The following AGPAT3 variants were observed in gnomAD, a reference collection of about 807,000 sequenced individuals.
AGPAT3 encodes 1-acylglycerol-3-phosphate O-acyltransferase 3.
In AGPAT3, 5 loss-of-function variants were observed where a neutral mutation model predicts 47.3. That is an observed-to-expected ratio of 0.11 (90% CI 0.06 to 0.22). The LOEUF (loss-of-function observed/expected upper bound fraction) is 0.22. Among genes scored for constraint, AGPAT3 ranks in the 10% least tolerant of loss-of-function variants. The pLI, the probability that AGPAT3 is intolerant of heterozygous loss-of-function variation, is 1.00. For missense variants in AGPAT3, 315 were observed against 493.0 expected (o/e 0.64, Z 3.42); for synonymous variants, 212 against 208.3 (o/e 1.02, Z -0.15).
In AGPAT3 at chr21:43,959,915, C is replaced by T. The variant is rs1273769118; in HGVS notation, c.178+56C>T. On this transcript the variant is annotated intron_variant, in intron 3 of 9. Coordinates refer to ENST00000291572, the MANE Select transcript of AGPAT3 (RefSeq NM_020132.5). ...CTGGGGCTCCCGTGGGGGTGGCGCG[C>T]GACCATGCACGGGGCAGCCGTGGGC... The T allele has an allele frequency of 9.4e-5, 143 of 1,519,652 alleles. 2 individuals carry two copies. In the South Asian group the frequency reaches 1.4e-3, roughly 15 times the overall value. 94.1% of individuals were successfully genotyped at this position (1,519,652 alleles called of 1,614,324 possible).
chr21:43,914,507 A>T (rs1424972685), intron 2 of AGPAT3, among the ~76,000 whole-genome samples: 2 of 152,036 alleles, frequency 1.3e-5, no homozygotes, highest in African/African-American at 4.8e-5. Context: ...AAATTTTTTA[A>T]AATATGAGAT....
intron 2 of AGPAT3, among the ~76,000 whole-genome samples, chr21:43,942,038 A>C (rs1265085636): frequency 2.0e-5 from 3 of 152,200 alleles, no homozygotes. Context: ...AAGGATGTGC[A>C]TTTCTCCTTT....
chr21:43,977,892 A>AAG (rs2089679844), intron 7 of AGPAT3, among the ~76,000 whole-genome samples, 154 bp from the exon 8 acceptor site: 1 of 151,960 alleles, frequency 6.6e-6, no homozygotes, highest in African/African-American at 2.4e-5. Context: ...TCTCAAAAAA[A>AAG]AAAAAAAGAA....
intron 2 of AGPAT3, among the ~76,000 whole-genome samples, chr21:43,948,819 G>A (rs1281389587): frequency 6.6e-6 from 1 of 152,216 alleles, no homozygotes; most frequent in Non-Finnish European, 1.5e-5. Context: ...TGAGATGTGT[G>A]TTGTTGACGA....
intron 2 of AGPAT3, among the ~76,000 whole-genome samples, chr21:43,910,557 A>G (rs1426286915): frequency 1.3e-5 from 2 of 152,196 alleles, no homozygotes; most frequent in African/African-American, 4.8e-5. Context: ...GTGAAGGTGG[A>G]GCGGAGGGCC....
At chr21:43,959,137 G>C (rs1248669950) in intron 2 of AGPAT3, among the ~76,000 whole-genome samples, 1 of 136,862 alleles carries the variant, frequency 7.3e-6, no homozygotes, top group Non-Finnish European at 1.6e-5. Flanking sequence ...CATGTGTTTG[G>C]TTTGCGGTAT....
At chr21:43,961,296 C>T (rs937278229) in intron 3 of AGPAT3, among the ~76,000 whole-genome samples, 3 of 152,086 alleles carry the variant, frequency 2.0e-5, no homozygotes, top group Non-Finnish European at 2.9e-5. Context: ...ATAGACACTT[C>T]GTCTCATATG....
chr21:43,885,206 C>T (rs1002491169), intron 1 of AGPAT3, among the ~76,000 whole-genome samples: 25 of 152,264 alleles, frequency 1.6e-4, no homozygotes, highest in African/African-American at 4.6e-4. Context: ...AGCTCGCAGA[C>T]GCTGGGTGCA....
In AGPAT3 at chr21:43,868,162, C is replaced by T. The variant is rs531238315; in HGVS notation, c.-112+2817C>T. On this transcript the variant is annotated intron_variant, in intron 1 of 9. Transcript: ENST00000291572. ...CAGTGTCTGTGTTTAGTTTTGGAGG[C>T]GGGAAGGCCGAGTTGATGGTGAAAG... 3.3e-5 allele frequency among the ~76,000 whole-genome samples: 5 copies of T among 152,262 alleles called. No individual in the cohort carries two copies. In the East Asian group the frequency reaches 5.8e-4, roughly 18 times the overall value.
At chr21:43,976,202 G>A (rs1447938580) in intron 7 of AGPAT3, among the ~76,000 whole-genome samples, 2 of 152,152 alleles carry the variant, frequency 1.3e-5, no homozygotes, top group African/African-American at 4.8e-5. Flanking sequence ...GAGTAGCTGG[G>A]ATTACAGGCG....
chr21:43,911,472 A>C (rs1487601799), intron 2 of AGPAT3, among the ~76,000 whole-genome samples: 1 of 152,246 alleles, frequency 6.6e-6, no homozygotes, highest in Non-Finnish European at 1.5e-5. Flanking sequence ...GAAGATTGCA[A>C]CACTGGCCCT....
At chr21:43,980,230 C>T (rs2089790996) in intron 8 of AGPAT3, among the ~76,000 whole-genome samples, 1 of 144,684 alleles carries the variant, frequency 6.9e-6, no homozygotes, top group East Asian at 2.0e-4. Flanking sequence ...GAGCCGAGAT[C>T]GTACCACTGC....
At chr21:43,878,166 C>T (rs1167193706) in intron 1 of AGPAT3, among the ~76,000 whole-genome samples, 2 of 152,150 alleles carry the variant, frequency 1.3e-5, no homozygotes, top group Admixed American at 1.3e-4. Flanking sequence ...CGCTCTGCAC[C>T]CCCACACCCG....
At chr21:43,888,706 A>G (rs1352873001) in intron 1 of AGPAT3, among the ~76,000 whole-genome samples, 1 of 152,196 alleles carries the variant, frequency 6.6e-6, no homozygotes, top group Non-Finnish European at 1.5e-5. Context: ...TAAACAGAAC[A>G]TGGGCCGGGC....
At chr21:43,958,870 GGT>G (rs1042795075) in intron 2 of AGPAT3, among the ~76,000 whole-genome samples, 1 of 141,672 alleles carries the variant, frequency 7.1e-6, no homozygotes, top group Non-Finnish European at 1.5e-5. Flanking sequence ...GTGTGTGTGT[GGT>G]GTGTGGTGTG....
Position 43,922,619 on chromosome 21 carries a change from A to G in AGPAT3, c.-49+18600A>G, listed in dbSNP as rs1159133705. Among the ~76,000 whole-genome samples the G allele has an allele frequency of 2.6e-5, 4 of 152,192 alleles. No homozygotes were observed. Among genetic ancestry groups the G allele is most frequent in the African/African-American group, 9.7e-5 (4 of 41,438 alleles). On this transcript the variant is annotated intron_variant, in intron 2 of 9. Coordinates refer to ENST00000291572, the MANE Select transcript of AGPAT3 (RefSeq NM_020132.5). This position sits in a 1 kb window ranked among gnomAD's most constrained non-coding sequence, Gnocchi z 4.9. ...CCGGCACAGTCTGTGACCTGTGACC[A>G]AAGGCTGAAGTCTGGGCTGGAGCTA...
At chr21:43,895,281 A>AT (rs1012497848) in intron 1 of AGPAT3, among the ~76,000 whole-genome samples, 5 of 150,600 alleles carry the variant, frequency 3.3e-5, no homozygotes, top group East Asian at 2.0e-4. Flanking sequence ...ATTTTTTTGT[A>AT]TTTTTTTATT....
intron 1 of AGPAT3, among the ~76,000 whole-genome samples, chr21:43,877,421 A>G (rs1569041132): frequency 6.6e-6 from 1 of 152,336 alleles, no homozygotes; most frequent in East Asian, 1.9e-4. Flanking sequence ...GAAGGAAAAG[A>G]CTAGGAAGCA....
intron 1 of AGPAT3, among the ~76,000 whole-genome samples, chr21:43,891,268 C>G (rs2086097487): frequency 6.6e-6 from 1 of 152,186 alleles, no homozygotes; most frequent in Admixed American, 6.5e-5. Flanking sequence ...GTTGTTATTT[C>G]CACAATGTTC....
Sources: gnomAD v4.1 joint callset for allele counts (sites outside exome capture counted in the v4.1 genomes callset) on GRCh38, gnomAD v4.1.1 for gene constraint, Gnocchi (gnomAD v3.1) non-coding constraint, MANE v1.5 for transcripts, NCBI Gene and HGNC (gene_info 2026-07-23, HGNC 2026-07-21) for gene names.